Variants in SLC12A2 observed in about 807,000 individuals in gnomAD.
SLC12A2 encodes Na-K-2Cl cotransporter 1.
A neutral mutation model predicts 136.3 loss-of-function variants in SLC12A2; 67 were observed. That is an observed-to-expected ratio of 0.49 (90% CI 0.40 to 0.60). SLC12A2 has a LOEUF of 0.60. Among genes scored for constraint, SLC12A2 ranks in the 20% least tolerant of loss-of-function variants. SLC12A2 has a pLI of 0.00. For synonymous variants in SLC12A2, 619 were observed against 562.9 expected, an observed-to-expected ratio of 1.10 and a Z score of -1.41; for missense variants, 1,322 against 1,534.7, an observed-to-expected ratio of 0.86 and a Z score of 2.32.
intron 3 of SLC12A2, 122 bp from the exon 4 acceptor site, chr5:128,114,464 T>C (rs1761273897): frequency 2.4e-6 from 2 of 833,650 alleles, no homozygotes; most frequent in South Asian, 3.4e-5. Flanking sequence ...TAAAATGAGA[T>C]CAAAATTGGG....
intron 1 of SLC12A2, among the ~76,000 whole-genome samples, chr5:128,107,444 C>T (rs1315463532): frequency 1.3e-5 from 2 of 152,152 alleles, no homozygotes; most frequent in African/African-American, 4.8e-5. Flanking sequence ...CCTCCCCTAC[C>T]CCTCCCTGCC....
rs924053384 is a variant in SLC12A2 at position 128,184,440 on chromosome 5, A to G, written c.3374A>G (p.Lys1125Arg). The stretch of plus-strand genomic sequence containing the variant: ...GATAAAGAGCAAGATATTGCAGATA[A>G]AATGAAAGAAGATGAACCATGGCGA... ...EDDKEQDIAD[K>R]MKEDEPWRIT... The change falls in exon 25 of 27, where the codon AAA (lysine) becomes AGA (arginine). Residue 1125 changes from lysine (K) to arginine (R), a missense_variant. Physicochemically the swap from Lys to Arg is conservative, Grantham distance 26 (BLOSUM62 2). Transcript: ENST00000262461. 4 of 1,608,452 alleles carry G rather than the reference A, an allele frequency of 2.5e-6. No homozygotes were observed. The African/African-American group carries it at 5.4e-5, about 22-fold the overall frequency.
At chr5:128,155,862 A>C (rs912711770) in intron 15 of SLC12A2, among the ~76,000 whole-genome samples, 2 of 152,086 alleles carry the variant, frequency 1.3e-5, no homozygotes, top group African/African-American at 4.8e-5. Context: ...GATTATTTTA[A>C]TCTTCTGCTT....
At chr5:128,121,019 G>A (rs557251914) in intron 4 of SLC12A2, among the ~76,000 whole-genome samples, 2 of 152,222 alleles carry the variant, frequency 1.3e-5, no homozygotes, top group East Asian at 1.9e-4. Context: ...CAGCTTTGCG[G>A]AAGTGTGAAT....
In SLC12A2 at chr5:128,084,821, A is replaced by G. The variant is rs1760025312; in HGVS notation, c.756+111A>G. ...GTGGCGGGAGTAGTAGACGTGCACG[A>G]CTTGCTGGCATCTCTGGATTCAGCT... On this transcript the variant is annotated intron_variant, in intron 1 of 26. Transcript: ENST00000262461. The surrounding 1 kb of genome is among the most constrained non-coding windows in gnomAD (Gnocchi z 5.6). 7 of 1,172,902 alleles carry G rather than the reference A, an allele frequency of 6.0e-6. No homozygotes were observed. The highest frequency in any genetic ancestry group is 8.2e-6 in the Non-Finnish European group (7 of 857,796). The allele number at this position is 1,172,902 out of a possible 1,614,324, so 72.7% of individuals were successfully genotyped here. A position where few individuals can be genotyped will look rare whatever the true frequency, so the allele number is the denominator to read the frequency against.
intron 3 of SLC12A2, 76 bp downstream of exon 3, chr5:128,114,363 C>G: frequency 8.8e-7 from 1 of 1,138,546 alleles, no homozygotes; most frequent in Non-Finnish European, 1.3e-6. Context: ...TCATGAAACT[C>G]AAGAAATTAG....
chr5:128,143,530 T>G (rs1762435096), intron 10 of SLC12A2, among the ~76,000 whole-genome samples: 3 of 152,174 alleles, frequency 2.0e-5, no homozygotes, highest in Admixed American at 6.5e-5. Context: ...AAATGAAGTT[T>G]TAGTCTGCCA....
At chr5:128,163,187 T>C (rs762394549) in intron 17 of SLC12A2, among the ~76,000 whole-genome samples, 5 of 152,096 alleles carry the variant, frequency 3.3e-5, no homozygotes, top group Admixed American at 6.6e-5. Context: ...GACACTCTCT[T>C]CTTAGGTGTG....
intron 23 of SLC12A2, among the ~76,000 whole-genome samples, chr5:128,181,836 G>A (rs1324889233): frequency 3.3e-5 from 5 of 151,716 alleles, no homozygotes; most frequent in African/African-American, 1.2e-4. Context: ...TCTCTCTCCT[G>A]TAAATAGCTC....
chr5:128,142,968 C>G (rs1384296693), intron 10 of SLC12A2, among the ~76,000 whole-genome samples: 2 of 152,086 alleles, frequency 1.3e-5, no homozygotes, highest in Non-Finnish European at 2.9e-5. Context: ...GTGCCCCTAT[C>G]ACCCAAGCAC....
chr5:128,107,291 ACTT>A (rs1164733649), intron 1 of SLC12A2, among the ~76,000 whole-genome samples: 2 of 151,958 alleles, frequency 1.3e-5, no homozygotes, highest in African/African-American at 2.4e-5. Flanking sequence ...GTTTATGCAC[ACTT>A]CTTATTTTTG....
intron 18 of SLC12A2, 55 bp from the exon 19 acceptor site, chr5:128,171,611 AC>A (rs1763377084): frequency 1.7e-6 from 2 of 1,146,482 alleles, no homozygotes; most frequent in East Asian, 4.8e-5. Flanking sequence ...AGAGGATAAC[AC>A]AAATTTTTGT....
At chr5:128,089,560 CACCACCATTTCTCT>C (rs199829365) in intron 1 of SLC12A2, among the ~76,000 whole-genome samples, 3,203 of 152,248 alleles carry the variant, frequency 0.021, 55 homozygotes, top group South Asian at 0.055. Context: ...TGGGGATTAC[CACCACCATTTCTCT>C]ACCTTGAACT....
At chr5:128,109,105 A>G (rs949244085) in intron 1 of SLC12A2, among the ~76,000 whole-genome samples, 1 of 152,242 alleles carries the variant, frequency 6.6e-6, no homozygotes, top group Admixed American at 6.5e-5. Flanking sequence ...GGTTATAGCT[A>G]TGTCTATTAA....
intron 17 of SLC12A2, among the ~76,000 whole-genome samples, chr5:128,165,303 C>T (rs755181756): frequency 1.3e-5 from 2 of 152,180 alleles, no homozygotes; most frequent in Non-Finnish European, 2.9e-5. Flanking sequence ...ACCTGATTGT[C>T]AACTCAATTT....
At chr5:128,097,744 A>G (rs920232206) in intron 1 of SLC12A2, among the ~76,000 whole-genome samples, 22 of 152,036 alleles carry the variant, frequency 1.4e-4, no homozygotes, top group South Asian at 6.2e-4. Flanking sequence ...GTTGCTTTCA[A>G]TAGTTACATG....
At chr5:128,112,753 T>C (rs1007212974) in intron 1 of SLC12A2, 61 bp from the exon 2 acceptor site, 2 of 1,325,898 alleles carry the variant, frequency 1.5e-6, no homozygotes, top group African/African-American at 2.9e-5. Flanking sequence ...TATGTTTGTT[T>C]TTATCAAGTG....
At chr5:128,110,684 A>G in intron 1 of SLC12A2, 1 of 1,380,924 alleles carries the variant, frequency 7.2e-7, no homozygotes, top group Non-Finnish European at 1.0e-6. Flanking sequence ...ACATTTTTAC[A>G]ATGAGCTCTG....
intron 10 of SLC12A2, among the ~76,000 whole-genome samples, chr5:128,145,529 C>G (rs1046206795): frequency 1.3e-5 from 2 of 152,020 alleles, no homozygotes; most frequent in Admixed American, 1.3e-4. Flanking sequence ...AAATGCACAG[C>G]ATATATGTAA....
Sources: gnomAD v4.1 joint callset for allele counts (sites outside exome capture counted in the v4.1 genomes callset) on GRCh38, gnomAD v4.1.1 for gene constraint, Gnocchi (gnomAD v3.1) non-coding constraint, MANE v1.5 for transcripts, NCBI Gene and HGNC (gene_info 2026-07-23, HGNC 2026-07-21) for gene names.